PDS5B: variants seen among roughly 807,000 people sequenced by gnomAD.
PDS5B encodes the protein sister chromatid cohesion protein PDS5 homolog B.
A neutral mutation model predicts 184.1 loss-of-function variants in PDS5B; 51 were observed. The observed-to-expected ratio is 0.28, with a 90% confidence interval of 0.22 to 0.35. The LOEUF (loss-of-function observed/expected upper bound fraction) is 0.35, where lower values mean the gene tolerates loss of function less well. PDS5B is among the 10% of genes least tolerant of loss of function. The pLI, the probability that PDS5B is intolerant of heterozygous loss-of-function variation, is 1.00. For missense variants in PDS5B, 1,180 were observed against 1,723.3 expected (o/e 0.68, Z 5.58); for synonymous variants, 566 against 569.2 (o/e 0.99, Z 0.08).
At chr13:32,657,428 A>G (rs1377757741) in intron 3 of PDS5B, among the ~76,000 whole-genome samples, 4 of 152,198 alleles carry the variant, frequency 2.6e-5, no homozygotes, top group African/African-American at 4.8e-5. Context: ...ATTTTTCTCC[A>G]TCCCTTTACT....
chr13:32,588,916 A>C (rs1198099735), intron 1 of PDS5B, among the ~76,000 whole-genome samples: 1 of 152,234 alleles, frequency 6.6e-6, no homozygotes, highest in African/African-American at 2.4e-5. Context: ...GCAATGGTAG[A>C]AAATACCCAA....
At chr13:32,669,447 A>G (rs1402228892) in intron 7 of PDS5B, among the ~76,000 whole-genome samples, 2 of 152,140 alleles carry the variant, frequency 1.3e-5, no homozygotes, top group African/African-American at 4.8e-5. Flanking sequence ...ACAATAAATG[A>G]TGATACTTGT....
intron 1 of PDS5B, among the ~76,000 whole-genome samples, chr13:32,601,205 TA>T (rs2057969209): frequency 6.6e-6 from 1 of 152,232 alleles, no homozygotes; most frequent in African/African-American, 2.4e-5. Context: ...AGTCATTCTT[TA>T]AAAGTATTTT....
chr13:32,777,010 AT>A lies in PDS5B; in HGVS notation c.*1961del, dbSNP rs1954977205. On this transcript the variant is annotated 3_prime_UTR_variant, in exon 35 of 35. Coordinates refer to ENST00000315596, the MANE Select transcript of PDS5B (RefSeq NM_015032.4). ...TTAGCTCGGTTCTCCCAAACACATA[AT>A]TTCTGTTTCAGCAGTACAAAGGCAT... is the stretch of plus-strand genomic sequence containing the variant. 6.6e-6 allele frequency: 1 copy of A among 152,380 alleles called. No homozygotes were observed. The highest frequency in any genetic ancestry group is 1.5e-5 in the Non-Finnish European group (1 of 67,918). 9.4% of individuals were successfully genotyped at this position (152,380 alleles called of 1,614,324 possible). A position where few individuals can be genotyped will look rare whatever the true frequency, so the allele number is the denominator to read the frequency against.
At chr13:32,742,475 A>T (rs1221002233) in intron 22 of PDS5B, 116 bp from the exon 23 acceptor site, 5 of 791,282 alleles carry the variant, frequency 6.3e-6, no homozygotes, top group Non-Finnish European at 9.9e-6. Flanking sequence ...ACAGAAAAGA[A>T]TTTTTTCTTT....
chr13:32,587,575 G>C (rs539122351), intron 1 of PDS5B, among the ~76,000 whole-genome samples: 6 of 152,282 alleles, frequency 3.9e-5, no homozygotes, highest in Non-Finnish European at 7.4e-5. Flanking sequence ...TATTTTGGAC[G>C]AATGACTGAA....
chr13:32,718,390 T>C (rs957575257), intron 19 of PDS5B, among the ~76,000 whole-genome samples: 1 of 152,204 alleles, frequency 6.6e-6, no homozygotes, highest in African/African-American at 2.4e-5. Flanking sequence ...GACCTTGTGA[T>C]CCGCCTGCCT....
intron 16 of PDS5B, chr13:32,701,097 A>G (rs374366839): frequency 6.1e-6 from 2 of 327,410 alleles, no homozygotes; most frequent in Non-Finnish European, 1.1e-5. Flanking sequence ...AGTAATTTCA[A>G]TACAGTGTAT....
At position 32,658,588 on chromosome 13, in the gene PDS5B, G is replaced by A. The variant is rs75995762; in HGVS notation, c.497+57G>A. Reference sequence around the variant, plus strand: ...AAAAAAGGTAACAAATTTTGAACTTGTAGGTGAATCTGCATAAACTGTTAC... The same window carrying A: ...AAAAAAGGTAACAAATTTTGAACTTATAGGTGAATCTGCATAAACTGTTAC... On this transcript the variant is annotated intron_variant, in intron 5 of 34. Coordinates refer to ENST00000315596, the MANE Select transcript of PDS5B (RefSeq NM_015032.4). 1,282 of 846,990 alleles carry A rather than the reference G, an allele frequency of 1.5e-3. 4 individuals carry two copies. The highest frequency in any genetic ancestry group is 3.3e-3 in the Admixed American group (134 of 40,922). 52.5% of individuals were successfully genotyped at this position (846,990 alleles called of 1,614,324 possible). A position where few individuals can be genotyped will look rare whatever the true frequency, so the allele number is the denominator to read the frequency against.
rs201933867 is a variant in PDS5B at position 32,770,506 on chromosome 13, C to T, written c.4010C>T (p.Thr1337Met). 150 of 1,611,052 alleles carry T rather than the reference C, an allele frequency of 9.3e-5. No individual in the cohort carries two copies. Among genetic ancestry groups the T allele is most frequent in the African/African-American group, 8.4e-4 (63 of 74,578 alleles). Reference sequence around the variant, plus strand: ...GAAGAAGAAAGACAAAGTGGAAATACGGAACAGAAGTCCAAAAGCAAACAG... The same window carrying T: ...GAAGAAGAAAGACAAAGTGGAAATATGGAACAGAAGTCCAAAAGCAAACAG... ...EEEEERQSGNTEQKSKSKQHR... is the reference protein window; with the variant it reads ...EEEEERQSGNMEQKSKSKQHR... The change falls in exon 32 of 35, where the codon ACG becomes ATG. Residue 1337 changes from threonine to methionine, a missense_variant. Around this residue, in one of 11 missense-constraint regions of PDS5B, gnomAD observed 465 missense variants for 497.8 expected, o/e 0.93. Transcript: ENST00000315596.
chr13:32,691,572 A>T (rs1566333745), intron 13 of PDS5B, among the ~76,000 whole-genome samples: 1 of 152,104 alleles, frequency 6.6e-6, no homozygotes, highest in Non-Finnish European at 1.5e-5. Context: ...TACTTATTGA[A>T]ATCACCCTGG....
chr13:32,588,282 A>G (rs1171778598), intron 1 of PDS5B, among the ~76,000 whole-genome samples: 1 of 152,266 alleles, frequency 6.6e-6, no homozygotes, highest in Non-Finnish European at 1.5e-5. Context: ...GGTGAAAATT[A>G]CATGGGAACT....
intron 22 of PDS5B, 114 bp downstream of exon 22, chr13:32,741,262 A>C (rs1362210400): frequency 3.3e-6 from 2 of 611,912 alleles, no homozygotes; most frequent in Admixed American, 6.2e-5. Flanking sequence ...AAGTATTTAC[A>C]TTTATTGTAT....
At chr13:32,710,886 C>T (rs944672736) in intron 19 of PDS5B, among the ~76,000 whole-genome samples, 3 of 152,070 alleles carry the variant, frequency 2.0e-5, no homozygotes, top group Admixed American at 2.0e-4. Context: ...AAAGCTAGCT[C>T]GCAATTAGAG....
chr13:32,662,984 A>G (rs888842659), intron 6 of PDS5B, among the ~76,000 whole-genome samples: 2 of 152,198 alleles, frequency 1.3e-5, no homozygotes, highest in Non-Finnish European at 2.9e-5. Flanking sequence ...ATTAGAATAA[A>G]TTCCTAGAAA....
chr13:32,713,211 T>G (rs906602184), intron 19 of PDS5B, among the ~76,000 whole-genome samples: 1 of 152,210 alleles, frequency 6.6e-6, no homozygotes, highest in African/African-American at 2.4e-5. Context: ...GAAGCAACTG[T>G]AGCCTGAGTT....
chr13:32,666,704 T>TTAA (rs1444021069), intron 6 of PDS5B, among the ~76,000 whole-genome samples: 1 of 152,186 alleles, frequency 6.6e-6, no homozygotes. Flanking sequence ...AGTTCCTGAC[T>TTAA]TAATGGTTTG....
chr13:32,714,238 C>G (rs973188227), intron 19 of PDS5B, among the ~76,000 whole-genome samples: 1 of 152,198 alleles, frequency 6.6e-6, no homozygotes, highest in Non-Finnish European at 1.5e-5. Context: ...TTTCGGGCAC[C>G]ATTGTCACTG....
At chr13:32,757,801 T>C (rs1383796182) in intron 26 of PDS5B, among the ~76,000 whole-genome samples, 2 of 152,166 alleles carry the variant, frequency 1.3e-5, no homozygotes, top group African/African-American at 4.8e-5. Context: ...TTAAGATAAC[T>C]TCATCCTTTC....
Sources: gnomAD v4.1 joint callset for allele counts (sites outside exome capture counted in the v4.1 genomes callset) on GRCh38, gnomAD v4.1.1 for gene constraint, gnomAD v4.1.1 regional missense constraint, MANE v1.5 for transcripts, NCBI Gene and HGNC (gene_info 2026-07-23, HGNC 2026-07-21) for gene names.